The following RFX3 variants were observed in gnomAD, a reference collection of about 807,000 sequenced individuals.
RFX3 encodes the protein transcription factor RFX3.
RFX3 carries 14 observed loss-of-function variants against 98.6 expected under a neutral mutation model. The ratio of observed to expected loss-of-function variants is 0.14; its 90% CI spans 0.09 to 0.22. RFX3 has a LOEUF of 0.22. Ranked by LOEUF, RFX3 falls within the 10% of genes least tolerant of loss-of-function variation. The pLI is 1.00. For synonymous variants in RFX3, 383 were observed against 328.4 expected (o/e 1.17, Z -1.80); for missense variants, 639 against 926.9 (o/e 0.69, Z 4.03).
In RFX3 at chr9:3,220,072, T is replaced by G. The variant is rs756953065; in HGVS notation, c.*4970A>C. 1.3e-5 allele frequency: 2 copies of G among 152,236 alleles called. No individual in the cohort carries two copies. Among genetic ancestry groups the G allele is most frequent in the African/African-American group, 4.8e-5 (2 of 41,464 alleles). 9.4% of individuals were successfully genotyped at this position (152,236 alleles called of 1,614,324 possible). A position where few individuals can be genotyped will look rare whatever the true frequency, so the allele number is the denominator to read the frequency against. On this transcript the variant is annotated 3_prime_UTR_variant, in exon 17 of 17. Coordinates refer to ENST00000617270, the MANE Select transcript of RFX3 (RefSeq NM_001282116.2). ...AGTAGTCATAGCATCTCCTGACAGATGAGCTTAAAATCAAGTGCTTTGCTC... is the reference window on the plus strand; with the variant it reads ...AGTAGTCATAGCATCTCCTGACAGAGGAGCTTAAAATCAAGTGCTTTGCTC...
At chr9:3,397,890 C>T (rs1297280201) in intron 1 of RFX3, among the ~76,000 whole-genome samples, 1 of 152,114 alleles carries the variant, frequency 6.6e-6, no homozygotes, top group African/African-American at 2.4e-5. Flanking sequence ...TGACTATAAT[C>T]TGCATTTACA....
At chr9:3,475,509 G>A (rs1185702697) in intron 1 of RFX3, among the ~76,000 whole-genome samples, 1 of 152,184 alleles carries the variant, frequency 6.6e-6, no homozygotes, top group East Asian at 1.9e-4. Flanking sequence ...GGCAGCCAAG[G>A]CAGACAGAGA....
At chr9:3,313,214 G>A (rs756175149) in intron 4 of RFX3, among the ~76,000 whole-genome samples, 2 of 152,178 alleles carry the variant, frequency 1.3e-5, no homozygotes, top group Non-Finnish European at 2.9e-5. Flanking sequence ...TGCAATATTT[G>A]CTGTTCTGCA....
At chr9:3,363,358 A>C (rs1836679714) in intron 2 of RFX3, among the ~76,000 whole-genome samples, 1 of 152,222 alleles carries the variant, frequency 6.6e-6, no homozygotes, top group Non-Finnish European at 1.5e-5. Flanking sequence ...GACCATAAGA[A>C]TATGTACTTT....
chr9:3,390,169 A>G (rs945295949), intron 2 of RFX3, among the ~76,000 whole-genome samples: 2 of 152,110 alleles, frequency 1.3e-5, no homozygotes, highest in African/African-American at 4.8e-5. Flanking sequence ...TTGAATTATA[A>G]CTCCCACAAT....
At chr9:3,247,565 T>C (rs536007720) in intron 15 of RFX3, 106 of 1,175,674 alleles carry the variant, frequency 9.0e-5, no homozygotes, top group Non-Finnish European at 8.1e-5. Context: ...ACATAGTAAG[T>C]GTCCAAAAAA....
intron 1 of RFX3, among the ~76,000 whole-genome samples, chr9:3,424,019 T>C (rs1250879889): frequency 3.8e-4 from 57 of 151,064 alleles, no homozygotes; most frequent in Admixed American, 6.6e-4. Context: ...TGGTGGCAGG[T>C]GCCTGTAGTC....
intron 1 of RFX3, among the ~76,000 whole-genome samples, chr9:3,490,054 T>C (rs1311967561): frequency 6.6e-6 from 1 of 152,068 alleles, no homozygotes; most frequent in Non-Finnish European, 1.5e-5. Flanking sequence ...CATAACTATG[T>C]AAATAATACT....
chr9:3,322,607 C>T (rs925785609), intron 4 of RFX3, among the ~76,000 whole-genome samples: 5 of 152,056 alleles, frequency 3.3e-5, no homozygotes, highest in African/African-American at 4.8e-5. Flanking sequence ...GTGGCAGGTA[C>T]CTGTAATCCC....
intron 2 of RFX3, among the ~76,000 whole-genome samples, chr9:3,388,413 G>C (rs1354540996): frequency 6.6e-6 from 1 of 151,958 alleles, no homozygotes; most frequent in East Asian, 1.9e-4. Context: ...TTATCTTTTT[G>C]ACCACAAGGA....
At chr9:3,323,029 A>G (rs555655233) in intron 4 of RFX3, among the ~76,000 whole-genome samples, 2 of 152,354 alleles carry the variant, frequency 1.3e-5, no homozygotes, top group South Asian at 4.1e-4. Context: ...CTAAGTCCGT[A>G]GATTACAAAA....
At chr9:3,423,719 A>T (rs1416560684) in intron 1 of RFX3, among the ~76,000 whole-genome samples, 4 of 148,176 alleles carry the variant, frequency 2.7e-5, no homozygotes, top group Admixed American at 2.7e-4. Flanking sequence ...TATAAATTTT[A>T]AAAACTCAAC....
At chr9:3,494,378 G>C (rs1850959238) in intron 1 of RFX3, among the ~76,000 whole-genome samples, 3 of 151,468 alleles carry the variant, frequency 2.0e-5, no homozygotes, top group African/African-American at 7.3e-5. Flanking sequence ...GTCATGTACT[G>C]ATAAATGTTT....
chr9:3,306,588 C>A (rs893841203), intron 4 of RFX3, among the ~76,000 whole-genome samples: 1 of 100,592 alleles, frequency 9.9e-6, no homozygotes, highest in African/African-American at 3.8e-5. Flanking sequence ...CATCACACAC[C>A]GGGGACTGTT....
chr9:3,425,337 G>A (rs1017010533), intron 1 of RFX3, among the ~76,000 whole-genome samples: 1 of 152,196 alleles, frequency 6.6e-6, no homozygotes, highest in Non-Finnish European at 1.5e-5. Flanking sequence ...CAAAGGCCTT[G>A]TGATCAGAGG....
At chr9:3,479,920 T>G (rs1849599435) in intron 1 of RFX3, among the ~76,000 whole-genome samples, 1 of 152,236 alleles carries the variant, frequency 6.6e-6, no homozygotes. Context: ...CGCGGGCTTC[T>G]GGAAGAGAAA....
chr9:3,446,001 T>C (rs754896756), intron 1 of RFX3, among the ~76,000 whole-genome samples: 2 of 152,148 alleles, frequency 1.3e-5, no homozygotes, highest in African/African-American at 4.8e-5. Context: ...CTATTCATAC[T>C]GGTATTATTT....
At chr9:3,509,464 T>C (rs774570625) in intron 1 of RFX3, among the ~76,000 whole-genome samples, 1 of 152,002 alleles carries the variant, frequency 6.6e-6, no homozygotes, top group African/African-American at 2.4e-5. Context: ...GATTATGACA[T>C]ACATCATTAA....
At chr9:3,247,442 G>A in intron 15 of RFX3, 1 of 718,362 alleles carries the variant, frequency 1.4e-6, no homozygotes. Context: ...CTGTGCCTTA[G>A]CTTTCTGCAT....
Sources: gnomAD v4.1 joint callset for allele counts (sites outside exome capture counted in the v4.1 genomes callset) on GRCh38, gnomAD v4.1.1 for gene constraint, MANE v1.5 for transcripts, NCBI Gene and HGNC (gene_info 2026-07-23, HGNC 2026-07-21) for gene names.